Variants in INTU observed in about 807,000 individuals in gnomAD.
The protein encoded by INTU is inturned planar cell polarity protein.
Under a neutral mutation model 100.5 loss-of-function variants are expected in INTU, and 68 were observed. The ratio of observed to expected loss-of-function variants is 0.68; its 90% CI spans 0.56 to 0.83. The LOEUF is 0.83. Among genes scored for constraint, INTU ranks in the 40% least tolerant of loss-of-function variants. The probability of loss-of-function intolerance (pLI) is 0.00; values close to 1 mark genes in which losing one functional copy is unlikely to be tolerated. For synonymous variants in INTU, 357 were observed against 395.7 expected (o/e 0.90, Z 1.16); for missense variants, 1,071 against 1,114.7 (o/e 0.96, Z 0.56).
At chr4:127,688,751 G>A (rs1023088230) in intron 8 of INTU, among the ~76,000 whole-genome samples, 2 of 152,102 alleles carry the variant, frequency 1.3e-5, no homozygotes, top group African/African-American at 4.8e-5. Flanking sequence ...TATTACACGT[G>A]AAGTATTTAG....
chr4:127,700,960 T>C (rs1346805308), intron 9 of INTU, among the ~76,000 whole-genome samples: 1 of 152,138 alleles, frequency 6.6e-6, no homozygotes, highest in Non-Finnish European at 1.5e-5. Flanking sequence ...CTAACTGAAA[T>C]GTCAAGAAAG....
intron 3 of INTU, among the ~76,000 whole-genome samples, chr4:127,663,139 C>T (rs1728543847): frequency 6.6e-6 from 1 of 152,042 alleles, no homozygotes; most frequent in African/African-American, 2.4e-5. Flanking sequence ...GAATTTTATA[C>T]AGAACATTAT....
chr4:127,671,756 G>A (rs529558670), intron 5 of INTU, among the ~76,000 whole-genome samples: 149 of 151,964 alleles, frequency 9.8e-4, no homozygotes, highest in African/African-American at 3.6e-3. Flanking sequence ...TGTGGTGTAT[G>A]TATATACTAT....
chr4:127,641,027 C>A (rs539668647), intron 1 of INTU, among the ~76,000 whole-genome samples: 4 of 152,122 alleles, frequency 2.6e-5, no homozygotes, highest in Non-Finnish European at 5.9e-5. Flanking sequence ...CTCTCTCTCT[C>A]TCCCCACCTA....
In INTU at chr4:127,695,684, G is replaced by A. The variant is rs145199255; in HGVS notation, c.1450-4326G>A. Among the ~76,000 whole-genome samples, 1,043 of 152,202 alleles carry A rather than the reference G, an allele frequency of 6.9e-3. 12 individuals are homozygous for A. Among genetic ancestry groups the A allele is most frequent in the African/African-American group, 0.024 (997 of 41,534 alleles). ...AGTTTATTTCTTCCTTCCCAATCAC[G>A]TATTTCATGTTCTTGCCTTATTGCA... is the stretch of plus-strand genomic sequence containing the variant. On this transcript the variant is annotated intron_variant, in intron 8 of 15. Transcript: ENST00000335251.
intron 5 of INTU, among the ~76,000 whole-genome samples, chr4:127,669,970 C>G (rs138846750): frequency 3.9e-4 from 59 of 151,922 alleles, no homozygotes; most frequent in African/African-American, 1.4e-3. Context: ...CAGATGCATT[C>G]GTCATCAGTG....
chr4:127,710,896 T>C lies in INTU; in HGVS notation c.2370-17T>C, dbSNP rs1731067796. On this transcript the variant is annotated splice_polypyrimidine_tract_variant and intron_variant, in intron 13 of 15. Coordinates refer to ENST00000335251, the MANE Select transcript of INTU (RefSeq NM_015693.4). ...AAAATTTCTTTTTTCTTCTCTTTGATTTTTTTTCTTTTTAAGACTGACATC... is the reference window on the plus strand; with the variant it reads ...AAAATTTCTTTTTTCTTCTCTTTGACTTTTTTTCTTTTTAAGACTGACATC... 1.8e-5 allele frequency: 25 copies of C among 1,407,664 alleles called. No individual in the cohort carries two copies. The highest frequency in any genetic ancestry group is 2.3e-5 in the Non-Finnish European group (25 of 1,065,298). The allele number at this position is 1,407,664 out of a possible 1,614,324, so 87.2% of individuals were successfully genotyped here.
chr4:127,674,482 G>A (rs545219990), intron 6 of INTU, among the ~76,000 whole-genome samples: 1 of 152,310 alleles, frequency 6.6e-6, no homozygotes, highest in South Asian at 2.1e-4. Context: ...GCTGAGAGAT[G>A]AGCTCTGCCT....
At position 127,687,885 on chromosome 4, in the gene INTU, A is replaced by C. The variant is rs1477922947; in HGVS notation, c.1449+18A>C. On this transcript the variant is annotated intron_variant, in intron 8 of 15. Transcript: ENST00000335251. ...AAATCAAGGTAATCTTAGGTATTAT[A>C]AAGCAGAAGCAGAACCAGGTGCCTT... 1 of 1,526,444 alleles carries C rather than the reference A, an allele frequency of 6.6e-7. No homozygotes were observed. Among genetic ancestry groups the C allele is most frequent in the South Asian group, 1.3e-5 (1 of 77,768 alleles). 94.6% of individuals were successfully genotyped at this position (1,526,444 alleles called of 1,614,324 possible). A position where few individuals can be genotyped will look rare whatever the true frequency, so the allele number is the denominator to read the frequency against.
At position 127,719,901 on chromosome 4, in the gene INTU, T is replaced by G. The variant is rs958133392; in HGVS notation, c.*3465T>G. On this transcript the variant is annotated 3_prime_UTR_variant, in exon 16 of 16. Coordinates refer to ENST00000335251, the MANE Select transcript of INTU (RefSeq NM_015693.4). ...TTCTTTATTAGTCTAGCTAATAGTCTATTTTGTTAATATTTTCAAAAAAAA... is the reference window on the plus strand; with the variant it reads ...TTCTTTATTAGTCTAGCTAATAGTCGATTTTGTTAATATTTTCAAAAAAAA... 5.9e-5 allele frequency: 9 copies of G among 152,042 alleles called. No homozygotes were observed. Among genetic ancestry groups the G allele is most frequent in the Non-Finnish European group, 1.0e-4 (7 of 67,984 alleles). 9.4% of individuals were successfully genotyped at this position (152,042 alleles called of 1,614,324 possible).
Position 127,687,760 on chromosome 4 carries a change from C to G in INTU, c.1342C>G (p.Leu448Val). The G allele has an allele frequency of 1.9e-6, 3 of 1,613,608 alleles. No homozygotes were observed. Among genetic ancestry groups the G allele is most frequent in the Non-Finnish European group, 2.5e-6 (3 of 1,179,660 alleles). The change falls in exon 8 of 16, where the codon CTG becomes GTG. Residue 448 changes from leucine to valine, a missense_variant. Leu to Val is a conservative substitution (Grantham distance 32). Coordinates refer to ENST00000335251, the MANE Select transcript of INTU (RefSeq NM_015693.4). ...TCAAAGAGCACTTCAGCCTGCGAAA[C>G]TGCATTCCAGCGCCAGTCCCAGTGC... ...FFQRALQPAKLHSSASPSAQQ... is the reference protein window; with the variant it reads ...FFQRALQPAKVHSSASPSAQQ...
At chr4:127,665,555 G>A (rs530395539) in intron 4 of INTU, among the ~76,000 whole-genome samples, 2 of 152,160 alleles carry the variant, frequency 1.3e-5, no homozygotes, top group African/African-American at 4.8e-5. Context: ...ATCTGGGTAG[G>A]CTACTTGCTA....
chr4:127,665,387 T>C lies in INTU; in HGVS notation c.972+1803T>C, dbSNP rs538141825. Among the ~76,000 whole-genome samples the C allele has an allele frequency of 2.0e-5, 3 of 152,114 alleles. No homozygotes were observed. The South Asian group carries it at 6.2e-4, about 32-fold the overall frequency. On this transcript the variant is annotated intron_variant, in intron 4 of 15. Coordinates refer to ENST00000335251, the MANE Select transcript of INTU (RefSeq NM_015693.4). ...CTCATCATCCTCTTACATCGGAAACTGTCTTTATTGGATCATTCTTTTCTT... is the reference window on the plus strand; with the variant it reads ...CTCATCATCCTCTTACATCGGAAACCGTCTTTATTGGATCATTCTTTTCTT...
At chr4:127,659,568 A>G (rs1446093577) in intron 3 of INTU, among the ~76,000 whole-genome samples, 3 of 152,202 alleles carry the variant, frequency 2.0e-5, no homozygotes, top group African/African-American at 7.2e-5. Flanking sequence ...CTAATTGTTG[A>G]CTTTTGTGAC....
intron 8 of INTU, among the ~76,000 whole-genome samples, chr4:127,689,786 A>C (rs1399108353): frequency 2.6e-5 from 4 of 152,104 alleles, no homozygotes; most frequent in Non-Finnish European, 5.9e-5. Flanking sequence ...GGAAGGATAT[A>C]AGTGTTCGAT....
intron 6 of INTU, among the ~76,000 whole-genome samples, chr4:127,677,492 G>T (rs1186775799): frequency 8.6e-5 from 13 of 150,916 alleles, no homozygotes; most frequent in South Asian, 6.2e-4. Flanking sequence ...GGCAAACAGG[G>T]TCTGGAGTGG....
At chr4:127,706,228 C>T (rs1578632794) in intron 11 of INTU, among the ~76,000 whole-genome samples, 1 of 152,098 alleles carries the variant, frequency 6.6e-6, no homozygotes, top group African/African-American at 2.4e-5. Context: ...CTCTTGACAG[C>T]TATCTTAGGG....
chr4:127,645,897 G>A (rs72681819), intron 2 of INTU, among the ~76,000 whole-genome samples: 5,629 of 151,912 alleles, frequency 0.037, 166 homozygotes, highest in Middle Eastern at 0.058. Context: ...GAATTATTTG[G>A]ATAGGCCTGG....
Position 127,640,039 on chromosome 4 carries a change from C to T in INTU, c.147-3482C>T, listed in dbSNP as rs1235912241. ...TGTGTCACTATCACCTACCCTGAAA[C>T]CTGGCAAACTGAGATCATTAGAGAC... On this transcript the variant is annotated intron_variant, in intron 1 of 15. Coordinates refer to ENST00000335251, the MANE Select transcript of INTU (RefSeq NM_015693.4). Among the ~76,000 whole-genome samples the T allele has an allele frequency of 2.6e-5, 4 of 152,034 alleles. No individual in the cohort carries two copies. The South Asian group carries it at 8.3e-4, about 32-fold the overall frequency.
Sources: gnomAD v4.1 joint callset for allele counts (sites outside exome capture counted in the v4.1 genomes callset) on GRCh38, gnomAD v4.1.1 for gene constraint, MANE v1.5 for transcripts, NCBI Gene and HGNC (gene_info 2026-07-23, HGNC 2026-07-21) for gene names.